The following HM13 variants were observed in gnomAD, a reference collection of about 807,000 sequenced individuals.
HM13 encodes signal peptide peptidase.
In HM13, 18 loss-of-function variants were observed where a neutral mutation model predicts 50.0. The observed-to-expected ratio is 0.36, with a 90% CI of 0.25 to 0.53. The LOEUF (loss-of-function observed/expected upper bound fraction) is 0.53, where lower values mean the gene tolerates loss of function less well. Ranked by LOEUF, HM13 falls within the 20% of genes least tolerant of loss-of-function variation. The pLI is 0.90. For missense variants in HM13, 393 were observed against 552.4 expected (o/e 0.71, Z 2.89); for synonymous variants, 197 against 232.6 (o/e 0.85, Z 1.39).
chr20:31,564,745 G>A lies in HM13; in HGVS notation c.949-1465G>A, dbSNP rs150816741. Among the ~76,000 whole-genome samples, 501 of 145,340 alleles carry A rather than the reference G, an allele frequency of 3.4e-3. 2 individuals are homozygous for A. Among genetic ancestry groups the A allele is most frequent in the Non-Finnish European group, 5.5e-3 (365 of 66,166 alleles). On this transcript the variant is annotated intron_variant, in intron 10 of 12. Transcript: ENST00000398174. ...ACAAATATTAGCCGGGCATGGTGGC[G>A]CATGCCTGTAATCCCAGTTACTCAG...
At chr20:31,556,667 A>G (rs558755146) in intron 8 of HM13, among the ~76,000 whole-genome samples, 1 of 152,220 alleles carries the variant, frequency 6.6e-6, no homozygotes, top group Non-Finnish European at 1.5e-5. Context: ...CACTAGCAGT[A>G]ATAAGACGGT....
chr20:31,545,158 G>A, intron 4 of HM13, 123 bp downstream of exon 4: 1 of 764,600 alleles, frequency 1.3e-6, no homozygotes, highest in Non-Finnish European at 2.2e-6. Flanking sequence ...GGAATTCCAT[G>A]GCCTGGATTC....
chr20:31,527,277 G>A (rs1429110175), intron 1 of HM13, among the ~76,000 whole-genome samples: 1 of 152,014 alleles, frequency 6.6e-6, no homozygotes, highest in Non-Finnish European at 1.5e-5. Context: ...AGCGGAGGCT[G>A]TAGTGAGCCA....
rs1334811338 is a variant in HM13 at position 31,514,525 on chromosome 20, G to A, written c.-27G>A. ...GTCCCTGCTGCAGCAACCGGAGCTG[G>A]AGTCGGATCCCGAACGCACCCTCGC... On this transcript the variant is annotated 5_prime_UTR_variant, in exon 1 of 13. Transcript: ENST00000398174. The surrounding 1 kb of genome is among the most constrained non-coding windows in gnomAD (Gnocchi z 4.3). 1.3e-6 allele frequency: 2 copies of A among 1,595,418 alleles called. No homozygotes were observed. Among genetic ancestry groups the A allele is most frequent in the Non-Finnish European group, 1.7e-6 (2 of 1,173,360 alleles).
At chr20:31,562,764 A>T (rs1225898005) in intron 10 of HM13, 1 of 152,334 alleles carries the variant, frequency 6.6e-6, no homozygotes, top group East Asian at 1.9e-4. Flanking sequence ...ACTTTATAGA[A>T]GGTCAAAAGG....
intron 1 of HM13, among the ~76,000 whole-genome samples, chr20:31,518,241 G>T (rs1424760722): frequency 6.6e-6 from 1 of 151,290 alleles, no homozygotes; most frequent in African/African-American, 2.4e-5. Flanking sequence ...CTCCATGTTG[G>T]TCAGGCTGGT....
chr20:31,554,236 C>T (rs551088928), intron 7 of HM13, among the ~76,000 whole-genome samples: 7 of 152,082 alleles, frequency 4.6e-5, no homozygotes, highest in Middle Eastern at 3.4e-3. Context: ...AAAAATGGGG[C>T]GGGCGTCTAA....
intron 3 of HM13, chr20:31,539,413 C>A (rs1302660585): frequency 1.0e-6 from 1 of 985,286 alleles, no homozygotes; most frequent in Non-Finnish European, 1.2e-6. Flanking sequence ...GGGTAGGAAA[C>A]CTGGAAGACG....
chr20:31,515,841 G>T (rs571955487), intron 1 of HM13, among the ~76,000 whole-genome samples: 6 of 151,928 alleles, frequency 3.9e-5, no homozygotes, highest in Admixed American at 3.9e-4. Context: ...GCACCTTCCC[G>T]ATGCTCCTCC....
intron 1 of HM13, among the ~76,000 whole-genome samples, chr20:31,526,315 C>T (rs1025714575): frequency 3.3e-5 from 5 of 152,002 alleles, no homozygotes; most frequent in African/African-American, 9.7e-5. Context: ...CCCGCCACTG[C>T]GCCCGGCTAA....
intron 3 of HM13, among the ~76,000 whole-genome samples, chr20:31,542,133 C>T (rs1983482073): frequency 6.6e-6 from 1 of 152,374 alleles, no homozygotes; most frequent in South Asian, 2.1e-4. Flanking sequence ...TCAGGATTCC[C>T]TCCACCTCCA....
intron 3 of HM13, among the ~76,000 whole-genome samples, chr20:31,542,453 T>A (rs1983500398): frequency 6.6e-6 from 1 of 152,218 alleles, no homozygotes; most frequent in South Asian, 2.1e-4. Context: ...GGATGTGGCT[T>A]GTCAGTGGGA....
chr20:31,555,474 G>A (rs1236800351), intron 8 of HM13, among the ~76,000 whole-genome samples: 1 of 152,152 alleles, frequency 6.6e-6, no homozygotes, highest in Non-Finnish European at 1.5e-5. Context: ...AGCACATCCT[G>A]CGCAACCACA....
intron 1 of HM13, 147 bp from the exon 2 acceptor site, chr20:31,527,337 C>CA (rs34469982): frequency 0.06 from 29,875 of 494,986 alleles, no homozygotes; most frequent in East Asian, 0.1. Context: ...GACTCCATCT[C>CA]AAAAAAAAAA....
intron 1 of HM13, among the ~76,000 whole-genome samples, chr20:31,521,959 G>T (rs540698974): frequency 4.7e-4 from 70 of 149,876 alleles, no homozygotes; most frequent in African/African-American, 1.7e-3. Flanking sequence ...CTCCCAAAGT[G>T]CTGGGATTAC....
At chr20:31,519,889 C>T (rs1982047659) in intron 1 of HM13, among the ~76,000 whole-genome samples, 1 of 142,524 alleles carries the variant, frequency 7.0e-6, no homozygotes, top group African/African-American at 2.7e-5. Flanking sequence ...GTTGCCCAGG[C>T]TGAGTGTGAG....
At chr20:31,536,560 C>T (rs1191813862) in intron 2 of HM13, among the ~76,000 whole-genome samples, 1 of 152,178 alleles carries the variant, frequency 6.6e-6, no homozygotes, top group South Asian at 2.1e-4. Flanking sequence ...GCCATCAGCA[C>T]TCCAGTACCA....
intron 11 of HM13, chr20:31,567,783 C>CGA: frequency 3.0e-6 from 1 of 330,526 alleles, no homozygotes; most frequent in Non-Finnish European, 5.5e-6. Context: ...ATTCTTGGAG[C>CGA]ATTCTGCACA....
intron 1 of HM13, among the ~76,000 whole-genome samples, chr20:31,524,794 C>T (rs542664244): frequency 7.4e-5 from 11 of 149,322 alleles, no homozygotes; most frequent in South Asian, 2.1e-4. Context: ...GCTCACTGCA[C>T]GCTCCGCCTC....
Sources: gnomAD v4.1 joint callset for allele counts (sites outside exome capture counted in the v4.1 genomes callset) on GRCh38, gnomAD v4.1.1 for gene constraint, Gnocchi (gnomAD v3.1) non-coding constraint, MANE v1.5 for transcripts, NCBI Gene and HGNC (gene_info 2026-07-23, HGNC 2026-07-21) for gene names.